BLNK: variants seen among roughly 807,000 people sequenced by gnomAD.
BLNK encodes B cell linker.
A neutral mutation model predicts 73.5 loss-of-function variants in BLNK; 29 were observed. That is an observed-to-expected ratio of 0.39 (90% CI 0.29 to 0.54). BLNK has a LOEUF of 0.54. Ranked by LOEUF, BLNK falls within the 20% of genes least tolerant of loss-of-function variation. The pLI, the probability that BLNK is intolerant of heterozygous loss-of-function variation, is 0.61. For missense variants in BLNK, 460 were observed against 562.8 expected, an observed-to-expected ratio of 0.82 and a Z score of 1.85; for synonymous variants, 176 against 200.8, an observed-to-expected ratio of 0.88 and a Z score of 1.04.
rs1334440510 is a variant in BLNK at position 96,189,207 on chromosome 10, G to C, written c.*2766C>G. Among the ~76,000 whole-genome samples, 2 of 152,080 alleles carry C rather than the reference G, an allele frequency of 1.3e-5. No individual in the cohort carries two copies. Among genetic ancestry groups the C allele is most frequent in the African/African-American group, 2.4e-5 (1 of 41,384 alleles). Reference sequence around the variant, plus strand: ...CTTTAATAATGAAACAGGCATTTTGGACAACACATTCTTGGCAATGGAACC... The same window carrying C: ...CTTTAATAATGAAACAGGCATTTTGCACAACACATTCTTGGCAATGGAACC... On this transcript the variant is annotated 3_prime_UTR_variant, in exon 17 of 17. Coordinates refer to ENST00000224337, the MANE Select transcript of BLNK (RefSeq NM_013314.4).
At chr10:96,250,139 T>C (rs1554908750) in intron 1 of BLNK, among the ~76,000 whole-genome samples, 2 of 151,966 alleles carry the variant, frequency 1.3e-5, no homozygotes, top group African/African-American at 4.8e-5. Flanking sequence ...ATGATACAAG[T>C]GTAAGAGCTC....
intron 1 of BLNK, among the ~76,000 whole-genome samples, chr10:96,250,506 T>G (rs1289154847): frequency 6.6e-6 from 1 of 151,732 alleles, no homozygotes; most frequent in African/African-American, 2.4e-5. Flanking sequence ...TAATTTCATA[T>G]GGAGGGCAGA....
intron 1 of BLNK, among the ~76,000 whole-genome samples, chr10:96,262,263 C>T (rs1461995530): frequency 5.3e-5 from 8 of 152,074 alleles, no homozygotes; most frequent in African/African-American, 1.9e-4. Context: ...AATTTTGAAC[C>T]AGAACATTGA....
intron 15 of BLNK, among the ~76,000 whole-genome samples, chr10:96,197,444 A>G (rs2083496354): frequency 6.6e-6 from 1 of 152,158 alleles, no homozygotes; most frequent in Non-Finnish European, 1.5e-5. Flanking sequence ...ACCTGGGACT[A>G]CTGGCATGCA....
In BLNK at chr10:96,197,206, G is replaced by A. The variant is rs142226223; in HGVS notation, c.1096-143C>T. 1,136 of 627,886 alleles carry A rather than the reference G, an allele frequency of 1.8e-3. 10 individuals carry two copies. The African/African-American group carries it at 0.019, about 10-fold the overall frequency. The allele number at this position is 627,886 out of a possible 1,614,324, so 38.9% of individuals were successfully genotyped here. ...TACATTATTTTTATTATTGATTAGC[G>A]CTTGTCTTCTTATTTTCTAAGAAAA... is the stretch of plus-strand genomic sequence containing the variant. On this transcript the variant is annotated intron_variant, in intron 15 of 16. Transcript: ENST00000224337.
chr10:96,247,100 TA>T (rs782163601), intron 1 of BLNK, 51 bp from the exon 2 acceptor site: 7 of 1,413,724 alleles, frequency 5.0e-6, no homozygotes, highest in South Asian at 3.8e-5. Context: ...TCTGACTTTT[TA>T]AAAAAAGTCT....
intron 2 of BLNK, among the ~76,000 whole-genome samples, chr10:96,244,170 G>A (rs1483066923): frequency 6.6e-6 from 1 of 152,094 alleles, no homozygotes; most frequent in Non-Finnish European, 1.5e-5. Context: ...CAAGCCAGCA[G>A]GGTGGGCTGG....
rs184476964 is a variant in BLNK at position 96,222,087 on chromosome 10, T to C, written c.525+1739A>G. Among the ~76,000 whole-genome samples, 420 of 152,342 alleles carry C rather than the reference T, an allele frequency of 2.8e-3. 4 individuals carry two copies. Among genetic ancestry groups the C allele is most frequent in the African/African-American group, 9.5e-3 (394 of 41,588 alleles). ...TGGTAGAAAGGAATCCGACATATAT[T>C]AAACCCCTCTGTGTGTGAGGCACTG... On this transcript the variant is annotated intron_variant, in intron 6 of 16. Transcript: ENST00000224337.
chr10:96,262,394 G>A (rs1454436648), intron 1 of BLNK, among the ~76,000 whole-genome samples: 2 of 152,130 alleles, frequency 1.3e-5, no homozygotes, highest in Admixed American at 6.6e-5. Flanking sequence ...CAGAGGTACT[G>A]TTCTAATACC....
rs1554902852 is a variant in BLNK, at chr10:96,227,582, C to G, written c.205-16G>C. On this transcript the variant is annotated splice_polypyrimidine_tract_variant and intron_variant, in intron 4 of 16. Transcript: ENST00000224337. ...AGTCGCTGTCCTGCAAGTGCAGATGCAGACACTGTGCTCAGCATCCCCGTC... is the reference window on the plus strand; with the variant it reads ...AGTCGCTGTCCTGCAAGTGCAGATGGAGACACTGTGCTCAGCATCCCCGTC... 1.2e-6 allele frequency: 2 copies of G among 1,613,760 alleles called. No individual in the cohort carries two copies.
chr10:96,212,018 A>G (rs782559201), intron 8 of BLNK, among the ~76,000 whole-genome samples: 1 of 152,218 alleles, frequency 6.6e-6, no homozygotes, highest in Admixed American at 6.5e-5. Context: ...CCACTATATT[A>G]TCTTTGTCAG....
rs587639253 is a variant in BLNK, at chr10:96,223,003, T to A, written c.525+823A>T. Among the ~76,000 whole-genome samples, 10 of 151,820 alleles carry A rather than the reference T, an allele frequency of 6.6e-5. No homozygotes were observed. In the East Asian group the frequency reaches 1.4e-3, roughly 21 times the overall value. ...GCGCCAGGGAAAAGCAGTCTCCCAATAGATAGAAAAAACCTGAAACTGGTG... is the reference window on the plus strand; with the variant it reads ...GCGCCAGGGAAAAGCAGTCTCCCAAAAGATAGAAAAAACCTGAAACTGGTG... On this transcript the variant is annotated intron_variant, in intron 6 of 16. Coordinates refer to ENST00000224337, the MANE Select transcript of BLNK (RefSeq NM_013314.4).
At chr10:96,205,346 G>A (rs1271924521) in intron 11 of BLNK, 1 of 152,582 alleles carries the variant, frequency 6.6e-6, no homozygotes, top group Non-Finnish European at 1.5e-5. Context: ...TAAAATCTTG[G>A]TATGTTCATG....
At chr10:96,212,208 A>G (rs1024602914) in intron 8 of BLNK, among the ~76,000 whole-genome samples, 4 of 152,194 alleles carry the variant, frequency 2.6e-5, no homozygotes, top group African/African-American at 9.6e-5. Context: ...GTCTTGCCTC[A>G]GGAAGACAGA....
Position 96,200,001 on chromosome 10 carries a change from G to A in BLNK, c.1095+74C>T, listed in dbSNP as rs2083588194. 2 of 1,133,328 alleles carry A rather than the reference G, an allele frequency of 1.8e-6. No homozygotes were observed. The highest frequency in any genetic ancestry group is 2.6e-5 in the South Asian group (1 of 38,050). 70.2% of individuals were successfully genotyped at this position (1,133,328 alleles called of 1,614,324 possible). The stretch of plus-strand genomic sequence containing the variant: ...TGAGATCGAGCCACTGCACTCCAGT[G>A]AAACTGCATCATCTCAAAACAAATA... On this transcript the variant is annotated intron_variant, in intron 15 of 16. Transcript: ENST00000224337. This position sits in a 1 kb window ranked among gnomAD's most constrained non-coding sequence, Gnocchi z 4.3.
chr10:96,204,863 A>G (rs1387779578), intron 11 of BLNK: 5 of 459,202 alleles, frequency 1.1e-5, no homozygotes, highest in African/African-American at 8.0e-5. Context: ...TCCACTGGCA[A>G]TGTACATAGA....
chr10:96,253,673 C>A (rs1554909915), intron 1 of BLNK, among the ~76,000 whole-genome samples: 1 of 152,176 alleles, frequency 6.6e-6, no homozygotes, highest in Non-Finnish European at 1.5e-5. Context: ...AACAAATTTT[C>A]TAGGCCTGGT....
At chr10:96,227,314 G>T in intron 5 of BLNK, 96 bp downstream of exon 5, 1 of 1,513,938 alleles carries the variant, frequency 6.6e-7, no homozygotes, top group Non-Finnish European at 8.9e-7. Context: ...AGGCCCTCAA[G>T]CAGCAGCCAG....
intron 15 of BLNK, among the ~76,000 whole-genome samples, chr10:96,198,274 A>G (rs2083527042): frequency 6.6e-6 from 1 of 152,212 alleles, no homozygotes; most frequent in Admixed American, 6.5e-5. Flanking sequence ...GGGAGAAAAA[A>G]TGACAAAAAA....
Sources: gnomAD v4.1 joint callset for allele counts (sites outside exome capture counted in the v4.1 genomes callset) on GRCh38, gnomAD v4.1.1 for gene constraint, Gnocchi (gnomAD v3.1) non-coding constraint, MANE v1.5 for transcripts, NCBI Gene and HGNC (gene_info 2026-07-23, HGNC 2026-07-21) for gene names.